The following MAP3K5 variants were observed in gnomAD, a reference collection of about 807,000 sequenced individuals.
The protein encoded by MAP3K5 is mitogen-activated protein kinase kinase kinase 5, also known as ASK-1.
Under a neutral mutation model 158.7 loss-of-function variants are expected in MAP3K5, and 56 were observed. That is an observed-to-expected ratio of 0.35 (90% CI 0.28 to 0.44). The LOEUF (loss-of-function observed/expected upper bound fraction) is 0.44. Among genes scored for constraint, MAP3K5 ranks in the 20% least tolerant of loss-of-function variants. The probability of loss-of-function intolerance (pLI) is 1.00; values close to 1 mark genes in which losing one functional copy is unlikely to be tolerated. For synonymous variants in MAP3K5, 579 were observed against 601.7 expected, an observed-to-expected ratio of 0.96 and a Z score of 0.55; for missense variants, 1,294 against 1,674.8, an observed-to-expected ratio of 0.77 and a Z score of 3.97.
At chr6:136,674,471 G>A (rs1008504684) in intron 7 of MAP3K5, among the ~76,000 whole-genome samples, 3 of 151,896 alleles carry the variant, frequency 2.0e-5, no homozygotes, top group African/African-American at 7.2e-5. Context: ...TATTACTAAA[G>A]TGCTAATGTA....
chr6:136,712,077 A>G (rs937062195), intron 2 of MAP3K5, among the ~76,000 whole-genome samples: 5 of 152,094 alleles, frequency 3.3e-5, no homozygotes, highest in African/African-American at 1.2e-4. Flanking sequence ...TTAAATAAGT[A>G]TATCTTGGTG....
intron 1 of MAP3K5, among the ~76,000 whole-genome samples, chr6:136,741,372 A>T (rs549131330): frequency 6.6e-6 from 1 of 152,322 alleles, no homozygotes; most frequent in East Asian, 1.9e-4. Context: ...TTTATATATT[A>T]TCAATTCAAA....
intron 13 of MAP3K5, among the ~76,000 whole-genome samples, chr6:136,637,896 C>T (rs1381966086): frequency 1.3e-5 from 2 of 152,160 alleles, no homozygotes; most frequent in Non-Finnish European, 2.9e-5. Context: ...GTTCCCCTAA[C>T]ACAACTCAGA....
At chr6:136,619,050 T>C (rs532616160) in intron 15 of MAP3K5, among the ~76,000 whole-genome samples, 2 of 152,182 alleles carry the variant, frequency 1.3e-5, no homozygotes, top group East Asian at 3.9e-4. Flanking sequence ...TCCTTTTCCT[T>C]CTGGACTGAC....
chr6:136,717,951 T>C (rs996568720), intron 2 of MAP3K5, among the ~76,000 whole-genome samples: 1 of 152,176 alleles, frequency 6.6e-6, no homozygotes, highest in Non-Finnish European at 1.5e-5. Flanking sequence ...TCAGGAGGCA[T>C]AGCTGATAGG....
chr6:136,570,355 G>A, intron 25 of MAP3K5, among the ~76,000 whole-genome samples: 1 of 152,134 alleles, frequency 6.6e-6, no homozygotes. Flanking sequence ...GCTGGAACCT[G>A]GGATTCTATC....
chr6:136,792,177 A>C lies in MAP3K5; in HGVS notation c.-20T>G. 1 of 1,532,556 alleles carries C rather than the reference A, an allele frequency of 6.5e-7. No individual in the cohort carries two copies. Among genetic ancestry groups the C allele is most frequent in the Non-Finnish European group, 8.7e-7 (1 of 1,143,246 alleles). The allele number at this position is 1,532,556 out of a possible 1,614,324, so 94.9% of individuals were successfully genotyped here. On this transcript the variant is annotated 5_prime_UTR_variant, in exon 1 of 30. Transcript: ENST00000359015. This position sits in a 1 kb window ranked among gnomAD's most constrained non-coding sequence, Gnocchi z 5.7. ...GCTCATCTCTCCGGGCCGGGCAGCAACGGCGGCGGCGTCCCCCGCCCAGCC... is the reference window on the plus strand; with the variant it reads ...GCTCATCTCTCCGGGCCGGGCAGCACCGGCGGCGGCGTCCCCCGCCCAGCC...
intron 15 of MAP3K5, among the ~76,000 whole-genome samples, chr6:136,621,407 T>A (rs1776794847): frequency 6.6e-6 from 1 of 152,220 alleles, no homozygotes. Context: ...CCCCGCCATA[T>A]CTGGTTCAGG....
At chr6:136,669,788 A>C (rs138021573) in intron 7 of MAP3K5, among the ~76,000 whole-genome samples, 237 of 152,248 alleles carry the variant, frequency 1.6e-3, no homozygotes, top group African/African-American at 5.5e-3. Context: ...TTAGAAAGCT[A>C]TGTAGTCATT....
intron 14 of MAP3K5, among the ~76,000 whole-genome samples, chr6:136,628,809 T>C (rs924765064): frequency 5.9e-5 from 9 of 152,196 alleles, no homozygotes; most frequent in African/African-American, 2.2e-4. Flanking sequence ...TGCTTTGTTT[T>C]TCTATCTCCC....
intron 2 of MAP3K5, among the ~76,000 whole-genome samples, chr6:136,705,961 T>C (rs1781058739): frequency 6.6e-6 from 1 of 152,076 alleles, no homozygotes; most frequent in African/African-American, 2.4e-5. Flanking sequence ...CATTGAGAAA[T>C]ATAATGGGAT....
intron 19 of MAP3K5, among the ~76,000 whole-genome samples, chr6:136,604,341 G>A: frequency 6.8e-6 from 1 of 147,174 alleles, no homozygotes; most frequent in Non-Finnish European, 1.5e-5. Context: ...AAAGAAGAAA[G>A]AAAGAAAGAA....
At chr6:136,625,483 C>A (rs1368030216) in intron 14 of MAP3K5, among the ~76,000 whole-genome samples, 6 of 152,164 alleles carry the variant, frequency 3.9e-5, no homozygotes, top group Non-Finnish European at 8.8e-5. Context: ...CAGCCCACTA[C>A]ACTGTGAAAC....
chr6:136,682,437 A>G (rs1240410329), intron 7 of MAP3K5, among the ~76,000 whole-genome samples: 1 of 152,168 alleles, frequency 6.6e-6, no homozygotes, highest in East Asian at 1.9e-4. Flanking sequence ...TTGTCTGTTG[A>G]TTAGTTTGTT....
intron 1 of MAP3K5, among the ~76,000 whole-genome samples, chr6:136,789,427 A>G (rs1421244580): frequency 6.6e-6 from 1 of 152,212 alleles, no homozygotes; most frequent in Admixed American, 6.5e-5. Context: ...CTGGGAGTTC[A>G]TGCCATCCAG....
At chr6:136,703,851 T>C (rs1179349615) in intron 3 of MAP3K5, among the ~76,000 whole-genome samples, 1 of 152,242 alleles carries the variant, frequency 6.6e-6, no homozygotes, top group African/African-American at 2.4e-5. Flanking sequence ...ATTGTATTGT[T>C]AATTTTGTCG....
chr6:136,681,945 A>G (rs1371552160), intron 7 of MAP3K5, among the ~76,000 whole-genome samples: 2 of 152,068 alleles, frequency 1.3e-5, no homozygotes, highest in African/African-American at 4.8e-5. Context: ...GAATTCTTAG[A>G]CCTCAACTTG....
intron 1 of MAP3K5, among the ~76,000 whole-genome samples, chr6:136,788,781 A>G (rs1582707787): frequency 1.3e-5 from 2 of 152,352 alleles, no homozygotes; most frequent in South Asian, 4.1e-4. Context: ...GAGAAAAGGG[A>G]ACACTTACAC....
chr6:136,641,982 C>T (rs1470731799), intron 12 of MAP3K5, among the ~76,000 whole-genome samples: 1 of 133,914 alleles, frequency 7.5e-6, no homozygotes, highest in Non-Finnish European at 1.6e-5. Flanking sequence ...CAGCAAAACT[C>T]TGTCTCACAA....
Sources: allele counts gnomAD v4.1 joint callset (sites outside exome capture counted in the v4.1 genomes callset), GRCh38; gene constraint gnomAD v4.1.1; non-coding constraint Gnocchi (gnomAD v3.1); transcripts MANE v1.5; gene names NCBI Gene and HGNC (gene_info 2026-07-23, HGNC 2026-07-21).